Variants in SARDH observed in about 807,000 individuals in gnomAD.
The protein encoded by SARDH is sarcosine dehydrogenase, mitochondrial.
In SARDH, 95 loss-of-function variants were observed where a neutral mutation model predicts 109.1. The observed-to-expected ratio is 0.87, with a 90% CI of 0.74 to 1.03. The LOEUF (loss-of-function observed/expected upper bound fraction) is 1.03. SARDH is among the 50% of genes least tolerant of loss of function. SARDH has a pLI of 0.00. For missense variants in SARDH, 1,267 were observed against 1,287.8 expected, an observed-to-expected ratio of 0.98 and a Z score of 0.25; for synonymous variants, 572 against 534.8, an observed-to-expected ratio of 1.07 and a Z score of -0.96.
chr9:133,670,901 T>A (rs1008343232), intron 18 of SARDH, 149 bp from the exon 19 acceptor site: 59 of 1,186,382 alleles, frequency 5.0e-5, no homozygotes, highest in Non-Finnish European at 2.3e-6. Flanking sequence ...GGCAGGGGCA[T>A]CCCCAACTCC....
rs1195824532 is a variant in SARDH, at chr9:133,712,574, G to C, written c.1328+45C>G. The C allele has an allele frequency of 6.5e-7, 1 of 1,532,246 alleles. No individual in the cohort carries two copies. The highest frequency in any genetic ancestry group is 1.7e-5 in the Admixed American group (1 of 59,864). The allele number at this position is 1,532,246 out of a possible 1,614,324, so 94.9% of individuals were successfully genotyped here. A position where few individuals can be genotyped will look rare whatever the true frequency, so the allele number is the denominator to read the frequency against. ...CCTCGCTGTTTACCCCACGCCACCT[G>C]TCCTGAGTGGCGGGCCCTGCCCTTA... On this transcript the variant is annotated intron_variant, in intron 10 of 20. Coordinates refer to ENST00000439388, the MANE Select transcript of SARDH (RefSeq NM_001134707.2). The surrounding 1 kb of genome is among the most constrained non-coding windows in gnomAD (Gnocchi z 4.1).
At chr9:133,684,986 G>A (rs1364003402) in intron 17 of SARDH, among the ~76,000 whole-genome samples, 1 of 152,202 alleles carries the variant, frequency 6.6e-6, no homozygotes. Context: ...GGAAGACGCT[G>A]TGACTTTGAT....
At chr9:133,707,241 C>T (rs908081215) in intron 11 of SARDH, among the ~76,000 whole-genome samples, 7 of 152,212 alleles carry the variant, frequency 4.6e-5, no homozygotes, top group African/African-American at 1.4e-4. Flanking sequence ...TAGAGCTGCT[C>T]AGTTCTGAGG....
At chr9:133,722,781 T>C (rs1052548711) in intron 6 of SARDH, among the ~76,000 whole-genome samples, 3 of 152,024 alleles carry the variant, frequency 2.0e-5, no homozygotes, top group African/African-American at 7.3e-5. Context: ...TTCAAGTGAT[T>C]CTCCTGCCTC....
At chr9:133,665,350 G>A (rs754119332) in intron 20 of SARDH, among the ~76,000 whole-genome samples, 3 of 152,214 alleles carry the variant, frequency 2.0e-5, no homozygotes, top group African/African-American at 7.2e-5. Context: ...CATAAACTCC[G>A]GTTTGGCTGG....
intron 16 of SARDH, among the ~76,000 whole-genome samples, chr9:133,690,014 T>C (rs955288411): frequency 6.6e-6 from 1 of 152,132 alleles, no homozygotes; most frequent in East Asian, 1.9e-4. Context: ...ATTCTGCCCA[T>C]GTGATCAAGG....
At position 133,734,023 on chromosome 9, in the gene SARDH, C is replaced by A. The variant is rs1832779069; in HGVS notation, c.151G>T (p.Gly51Cys). 6.2e-7 allele frequency: 1 copy of A among 1,613,150 alleles called. No individual in the cohort carries two copies. The highest frequency in any genetic ancestry group is 1.7e-5 in the Admixed American group (1 of 60,000). ...PYQRTLKEGQ[G>C]TSVVAQGPSR... The stretch of plus-strand genomic sequence containing the variant: ...GGGCCTTGGGCCACCACCGAGGTGC[C>A]CTGTCCCTCCTTCAGGGTCCGCTGA... The change falls in exon 2 of 21, where the codon GGC becomes TGC. Residue 51 changes from glycine (G) to cysteine (C), a missense_variant. Gly to Cys is a radical substitution (Grantham distance 159). Transcript: ENST00000439388.
At position 133,692,564 on chromosome 9, in the gene SARDH, G is replaced by A. The variant is rs528382412; in HGVS notation, c.1921+1694C>T. 2.3e-4 allele frequency among the ~76,000 whole-genome samples: 35 copies of A among 152,052 alleles called. No homozygotes were observed. The highest frequency in any genetic ancestry group is 2.8e-4 in the Non-Finnish European group (19 of 68,002). On this transcript the variant is annotated intron_variant, in intron 15 of 20. Transcript: ENST00000439388. This position sits in a 1 kb window ranked among gnomAD's most constrained non-coding sequence, Gnocchi z 5.0. The stretch of plus-strand genomic sequence containing the variant: ...CAGGAAGCCTTGCTCATCCCGGCTC[G>A]GCGGCTTCACATGGCCTTCCCTAAC...
intron 3 of SARDH, among the ~76,000 whole-genome samples, 190 bp downstream of exon 3, chr9:133,732,233 T>C (rs969302080): frequency 1.3e-5 from 2 of 151,066 alleles, no homozygotes; most frequent in South Asian, 2.1e-4. Flanking sequence ...AGCAGACTCA[T>C]CCACACGAGC....
At chr9:133,720,026 C>G (rs577328849) in intron 6 of SARDH, among the ~76,000 whole-genome samples, 1 of 151,000 alleles carries the variant, frequency 6.6e-6, no homozygotes, top group Non-Finnish European at 1.5e-5. Flanking sequence ...CAGGAGAATG[C>G]GTGAACCCAG....
chr9:133,672,691 G>A (rs1363724581), intron 17 of SARDH, among the ~76,000 whole-genome samples: 1 of 152,204 alleles, frequency 6.6e-6, no homozygotes, highest in East Asian at 1.9e-4. Context: ...CATAGCCTCT[G>A]CCCTTCAGGA....
rs375531876 is a variant in SARDH, at chr9:133,671,506, G to A, written c.2326+29C>T. 37 of 1,414,000 alleles carry A rather than the reference G, an allele frequency of 2.6e-5. No homozygotes were observed. In the East Asian group the frequency reaches 3.0e-4, roughly 11 times the overall value. The allele number at this position is 1,414,000 out of a possible 1,614,324, so 87.6% of individuals were successfully genotyped here. ...ACTGCCCCCCACTGCGCCCGCCCCC[G>A]CCCCGTGCTGTCCAGACCCTGCACT... On this transcript the variant is annotated intron_variant, in intron 18 of 20. Transcript: ENST00000439388.
intron 2 of SARDH, 68 bp from the exon 3 acceptor site, chr9:133,732,669 T>C: frequency 1.3e-6 from 2 of 1,495,548 alleles, no homozygotes; most frequent in Non-Finnish European, 1.8e-6. Flanking sequence ...CAGACGAATA[T>C]CAGGGGATAC....
chr9:133,699,277 C>G (rs550767548), intron 13 of SARDH, among the ~76,000 whole-genome samples: 1 of 152,228 alleles, frequency 6.6e-6, no homozygotes, highest in African/African-American at 2.4e-5. Context: ...GAGGCTGAGG[C>G]AGGCAGATCA....
chr9:133,660,047 G>A (rs1052613319), downstream of SARDH, among the ~76,000 whole-genome samples: 7 of 151,892 alleles, frequency 4.6e-5, no homozygotes, highest in South Asian at 2.1e-4. Context: ...CTGCCACAGC[G>A]ACAACCCCAC....
At chr9:133,664,141 C>T (rs1829976176) in intron 20 of SARDH, 127 bp from the exon 21 acceptor site, 1 of 1,276,948 alleles carries the variant, frequency 7.8e-7, no homozygotes, top group South Asian at 1.5e-5. Flanking sequence ...ATCCCTGTGC[C>T]AGGGACTCCT....
downstream of SARDH, among the ~76,000 whole-genome samples, chr9:133,660,737 AGCCC>A (rs1189210737): frequency 6.6e-6 from 1 of 152,144 alleles, no homozygotes; most frequent in Non-Finnish European, 1.5e-5. Flanking sequence ...AGGTGCTCAG[AGCCC>A]TGGGGTGAGG....
downstream of SARDH, among the ~76,000 whole-genome samples, chr9:133,660,161 G>C (rs76645578): frequency 6.7e-6 from 1 of 149,672 alleles, no homozygotes; most frequent in Non-Finnish European, 1.5e-5. Context: ...AGCAGTACCC[G>C]CACCTCCTAC....
chr9:133,733,969 C>G lies in SARDH; in HGVS notation c.205G>C (p.Val69Leu), dbSNP rs1473510403. Residue 69 changes from valine (V) to leucine (L), a missense_variant, in exon 2 of 21, where the codon GTG becomes CTG. By Grantham distance (32) the Val-to-Leu change is conservative (BLOSUM62 1). Transcript: ENST00000439388. The stretch of plus-strand genomic sequence containing the variant: ...AAGCTGCCTCCACCAATGACCACCA[C>G]GTTGGCCGTGCTGGGCAGGGGCCGG... ...PSRPLPSTAN[V>L]VVIGGGSLGC... is the part of the protein sequence containing the mutation. 1 of 1,611,310 alleles carries G rather than the reference C, an allele frequency of 6.2e-7. No individual in the cohort carries two copies. The highest frequency in any genetic ancestry group is 1.1e-5 in the South Asian group (1 of 90,864).
Sources: allele counts gnomAD v4.1 joint callset (sites outside exome capture counted in the v4.1 genomes callset), GRCh38; gene constraint gnomAD v4.1.1; non-coding constraint Gnocchi (gnomAD v3.1); transcripts MANE v1.5; gene names NCBI Gene and HGNC (gene_info 2026-07-23, HGNC 2026-07-21).